The following GALNT18 variants were observed in gnomAD, a reference collection of about 807,000 sequenced individuals.
The protein encoded by GALNT18 is GalNAc-transferase 18.
In GALNT18, 44 loss-of-function variants were observed where a neutral mutation model predicts 69.5. The ratio of observed to expected loss-of-function variants is 0.63; its 90% CI spans 0.50 to 0.81. GALNT18 has a LOEUF of 0.81. Ranked by LOEUF, GALNT18 falls within the 40% of genes least tolerant of loss-of-function variation. GALNT18 has a pLI of 0.00. For synonymous variants in GALNT18, 364 were observed against 318.2 expected (o/e 1.14, Z -1.53); for missense variants, 715 against 810.0 (o/e 0.88, Z 1.42).
Position 11,617,182 on chromosome 11 carries a change from T to C in GALNT18, c.235+4177A>G, listed in dbSNP as rs375853520. On this transcript the variant is annotated intron_variant, in intron 1 of 10. Coordinates refer to ENST00000227756, the MANE Select transcript of GALNT18 (RefSeq NM_198516.3). The surrounding 1 kb of genome is among the most constrained non-coding windows in gnomAD (Gnocchi z 4.7). ...AAAGTCTAGCAAATGAATGTACATTTTGGAAAACATTAAAATAAAAATATT... is the reference window on the plus strand; with the variant it reads ...AAAGTCTAGCAAATGAATGTACATTCTGGAAAACATTAAAATAAAAATATT... Among the ~76,000 whole-genome samples, 34 of 152,318 alleles carry C rather than the reference T, an allele frequency of 2.2e-4. No homozygotes were observed. Among genetic ancestry groups the C allele is most frequent in the South Asian group, 6.2e-4 (3 of 4,818 alleles).
chr11:11,571,261 A>G (rs1334445497), intron 1 of GALNT18, among the ~76,000 whole-genome samples: 1 of 152,204 alleles, frequency 6.6e-6, no homozygotes, highest in African/African-American at 2.4e-5. Context: ...GGCTGTGTGT[A>G]TAGCTACCTT....
At chr11:11,330,296 T>A (rs1254029827) in intron 8 of GALNT18, among the ~76,000 whole-genome samples, 2 of 152,204 alleles carry the variant, frequency 1.3e-5, no homozygotes, top group Admixed American at 1.3e-4. Context: ...ATTATGCCCC[T>A]GAAAAGACAT....
Position 11,604,074 on chromosome 11 carries a change from T to C in GALNT18, c.235+17285A>G, listed in dbSNP as rs1034957228. On this transcript the variant is annotated intron_variant, in intron 1 of 10. Transcript: ENST00000227756. The surrounding 1 kb of genome is among the most constrained non-coding windows in gnomAD (Gnocchi z 5.6). ...AAAGGTGCCATCTACGAGCAAGAAA[T>C]TGGGCCCTCACCAAACACAGAATCC... 9.9e-5 allele frequency among the ~76,000 whole-genome samples: 15 copies of C among 152,116 alleles called. No homozygotes were observed. Among genetic ancestry groups the C allele is most frequent in the South Asian group, 2.1e-4 (1 of 4,828 alleles).
chr11:11,438,974 A>G (rs1247799697), intron 2 of GALNT18, among the ~76,000 whole-genome samples: 1 of 151,982 alleles, frequency 6.6e-6, no homozygotes, highest in Non-Finnish European at 1.5e-5. Context: ...CTCACAATTA[A>G]CAGGACCAGT....
At chr11:11,272,498 A>G (rs1343383368) in intron 10 of GALNT18, among the ~76,000 whole-genome samples, 1 of 152,146 alleles carries the variant, frequency 6.6e-6, no homozygotes, top group African/African-American at 2.4e-5. Context: ...TCCATGGCTC[A>G]GTGCTGCCTT....
intron 2 of GALNT18, among the ~76,000 whole-genome samples, chr11:11,447,915 T>A (rs1446246727): frequency 1.3e-5 from 2 of 152,206 alleles, no homozygotes; most frequent in South Asian, 4.1e-4. Context: ...GCTTAATAAA[T>A]GACCTGCAAG....
At chr11:11,486,411 C>T (rs553298955) in intron 1 of GALNT18, among the ~76,000 whole-genome samples, 1 of 152,320 alleles carries the variant, frequency 6.6e-6, no homozygotes, top group African/African-American at 2.4e-5. Context: ...CCCCAGGACA[C>T]TTGCACCCCT....
intron 2 of GALNT18, among the ~76,000 whole-genome samples, chr11:11,445,165 C>T (rs1855621717): frequency 1.3e-5 from 2 of 152,198 alleles, no homozygotes; most frequent in Non-Finnish European, 2.9e-5. Context: ...ATAGATGCCT[C>T]AAGGCAGTGT....
rs1857779176 is a variant in GALNT18, at chr11:11,536,636, A to C, written c.235+84723T>G. Among the ~76,000 whole-genome samples, 3 of 151,430 alleles carry C rather than the reference A, an allele frequency of 2.0e-5. No homozygotes were observed. In the South Asian group the frequency reaches 6.3e-4, roughly 32 times the overall value. ...GACCTTTAGCAACTCCGTATCTTAG[A>C]AATGAAAATTGAGACAAAAAAAAAA... On this transcript the variant is annotated intron_variant, in intron 1 of 10. Transcript: ENST00000227756.
rs540035472 is a variant in GALNT18, at chr11:11,439,945, C to G, written c.429-7158G>C. Reference sequence around the variant, plus strand: ...AGGACTTCAGAGATTTGGCAAGACACTACATCTGTCCCAGATATGGAAGAG... The same window carrying G: ...AGGACTTCAGAGATTTGGCAAGACAGTACATCTGTCCCAGATATGGAAGAG... On this transcript the variant is annotated intron_variant, in intron 2 of 10. Transcript: ENST00000227756. This position sits in a 1 kb window ranked among gnomAD's most constrained non-coding sequence, Gnocchi z 4.4. Among the ~76,000 whole-genome samples the G allele has an allele frequency of 6.6e-6, 1 of 152,350 alleles. No homozygotes were observed. Among genetic ancestry groups the G allele is most frequent in the East Asian group, 1.9e-4 (1 of 5,186 alleles).
intron 3 of GALNT18, among the ~76,000 whole-genome samples, chr11:11,406,501 C>T (rs781716217): frequency 3.9e-5 from 6 of 152,180 alleles, no homozygotes; most frequent in Non-Finnish European, 7.3e-5. Flanking sequence ...ATTTCCAGCC[C>T]CCTGTCCATC....
chr11:11,578,760 G>A (rs1272232142), intron 1 of GALNT18, among the ~76,000 whole-genome samples: 4 of 152,308 alleles, frequency 2.6e-5, no homozygotes, highest in Admixed American at 1.3e-4. Flanking sequence ...GCCTTCCTTC[G>A]GGACTCCTGC....
At chr11:11,419,001 A>G (rs2133770424) in intron 3 of GALNT18, among the ~76,000 whole-genome samples, 1 of 152,302 alleles carries the variant, frequency 6.6e-6, no homozygotes, top group East Asian at 1.9e-4. Flanking sequence ...CCCTAGTTGT[A>G]GGTCAGGTGC....
intron 3 of GALNT18, among the ~76,000 whole-genome samples, chr11:11,397,831 C>T (rs1343151718): frequency 6.6e-6 from 1 of 152,158 alleles, no homozygotes; most frequent in Non-Finnish European, 1.5e-5. Context: ...TTCAAAATTG[C>T]AGTTGATTGG....
At position 11,562,457 on chromosome 11, in the gene GALNT18, G is replaced by A. The variant is rs1858535348; in HGVS notation, c.235+58902C>T. On this transcript the variant is annotated intron_variant, in intron 1 of 10. Transcript: ENST00000227756. The surrounding 1 kb of genome is among the most constrained non-coding windows in gnomAD (Gnocchi z 4.1). ...TACATTCTGAGGTATTAGGGGTGAGGACTCCAAAATATTGTTTTAGGGGAG... is the reference window on the plus strand; with the variant it reads ...TACATTCTGAGGTATTAGGGGTGAGAACTCCAAAATATTGTTTTAGGGGAG... Among the ~76,000 whole-genome samples, 1 of 152,042 alleles carries A rather than the reference G, an allele frequency of 6.6e-6. No homozygotes were observed. Among genetic ancestry groups the A allele is most frequent in the South Asian group, 2.1e-4 (1 of 4,808 alleles).
Position 11,621,474 on chromosome 11 carries a change from A to C in GALNT18, c.120T>G (p.Tyr40Ter). The C allele has an allele frequency of 6.2e-7, 1 of 1,614,044 alleles. No individual in the cohort carries two copies. Among genetic ancestry groups the C allele is most frequent in the Non-Finnish European group, 8.5e-7 (1 of 1,180,004 alleles). ...GWVTNYIASV[Y>*]VRGQEPAPDK... ...CGGGCGCCGGCTCCTGCCCCCGCAC[A>C]TACACGCTGGCGATGTAGTTGGTGA... is the stretch of plus-strand genomic sequence containing the variant. Residue 40 changes from tyrosine (Y) to a stop codon, truncating the protein, a stop_gained, in exon 1 of 11, where the codon TAT (tyrosine) becomes TAG (stop). Coordinates refer to ENST00000227756, the MANE Select transcript of GALNT18 (RefSeq NM_198516.3). LOFTEE classifies it high-confidence loss of function. This position sits in a 1 kb window ranked among gnomAD's most constrained non-coding sequence, Gnocchi z 9.3.
chr11:11,525,868 A>G (rs1028350939), intron 1 of GALNT18, among the ~76,000 whole-genome samples: 1 of 152,010 alleles, frequency 6.6e-6, no homozygotes, highest in African/African-American at 2.4e-5. Context: ...TCCCAACCTC[A>G]GGTGATCCGC....
chr11:11,348,634 C>G (rs1304927777), intron 6 of GALNT18, among the ~76,000 whole-genome samples: 2 of 152,132 alleles, frequency 1.3e-5, no homozygotes, highest in African/African-American at 2.4e-5. Context: ...TTTCCTGCAG[C>G]CTCATCTCTC....
At chr11:11,394,230 T>C (rs1854267461) in intron 3 of GALNT18, among the ~76,000 whole-genome samples, 1 of 152,102 alleles carries the variant, frequency 6.6e-6, no homozygotes, top group African/African-American at 2.4e-5. Flanking sequence ...GGGGCTTTCC[T>C]AGGAGGATAA....
Sources: allele counts gnomAD v4.1 joint callset (sites outside exome capture counted in the v4.1 genomes callset), GRCh38; gene constraint gnomAD v4.1.1; non-coding constraint Gnocchi (gnomAD v3.1); transcripts MANE v1.5; gene names NCBI Gene and HGNC (gene_info 2026-07-23, HGNC 2026-07-21).